ST18: variants seen among roughly 807,000 people sequenced by gnomAD.
ST18 encodes ST18 C2H2C-type zinc finger transcription factor, also known as suppression of tumorigenicity 18 protein.
A neutral mutation model predicts 110.0 loss-of-function variants in ST18; 50 were observed. The observed-to-expected ratio is 0.45, with a 90% CI of 0.36 to 0.58. The LOEUF (loss-of-function observed/expected upper bound fraction) is 0.58, where lower values mean the gene tolerates loss of function less well. ST18 is among the 20% of genes least tolerant of loss of function. ST18 has a pLI of 0.00. For synonymous variants in ST18, 461 were observed against 452.4 expected, an observed-to-expected ratio of 1.02 and a Z score of -0.24; for missense variants, 1,306 against 1,280.1, an observed-to-expected ratio of 1.02 and a Z score of -0.31.
chr8:52,204,840 G>A (rs1336234127), intron 8 of ST18, among the ~76,000 whole-genome samples: 1 of 152,152 alleles, frequency 6.6e-6, no homozygotes, highest in Non-Finnish European at 1.5e-5. Context: ...TAGACTCTCA[G>A]CTCCTGTAAT....
At chr8:52,367,856 T>C (rs996854222) in intron 2 of ST18, among the ~76,000 whole-genome samples, 17 of 152,164 alleles carry the variant, frequency 1.1e-4, no homozygotes, top group African/African-American at 3.9e-4. Context: ...AGAACTCACA[T>C]CTGGAAGGGG....
At chr8:52,361,997 T>C (rs1825939472) in intron 2 of ST18, among the ~76,000 whole-genome samples, 1 of 152,218 alleles carries the variant, frequency 6.6e-6, no homozygotes, top group Admixed American at 6.5e-5. Context: ...GGTTTATCTA[T>C]ATTCTTTACA....
intron 2 of ST18, among the ~76,000 whole-genome samples, chr8:52,324,131 G>C (rs184376758): frequency 6.6e-6 from 1 of 152,310 alleles, no homozygotes; most frequent in African/African-American, 2.4e-5. Flanking sequence ...AAGGATGGTG[G>C]TGGTTGGTGT....
intron 2 of ST18, among the ~76,000 whole-genome samples, chr8:52,401,198 A>G (rs1842723794): frequency 1.3e-5 from 2 of 152,030 alleles, no homozygotes; most frequent in African/African-American, 4.8e-5. Flanking sequence ...CTGACAGTCT[A>G]ATGGAGATTT....
intron 2 of ST18, among the ~76,000 whole-genome samples, chr8:52,262,193 A>C (rs976694463): frequency 6.6e-6 from 1 of 152,182 alleles, no homozygotes; most frequent in Non-Finnish European, 1.5e-5. Flanking sequence ...CTCTTGCAAT[A>C]ATGGAGTTAA....
intron 2 of ST18, among the ~76,000 whole-genome samples, chr8:52,394,858 G>A (rs1346667389): frequency 6.6e-6 from 1 of 152,140 alleles, no homozygotes; most frequent in Non-Finnish European, 1.5e-5. Flanking sequence ...TTCAAAACCA[G>A]TCTTCTGTGC....
chr8:52,210,217 C>A, intron 8 of ST18: 1 of 430,582 alleles, frequency 2.3e-6, no homozygotes, highest in Non-Finnish European at 4.6e-6. Context: ...CTACAGGGGA[C>A]ATAAATAAAG....
intron 19 of ST18, among the ~76,000 whole-genome samples, chr8:52,135,286 C>G (rs1438974955): frequency 6.6e-6 from 1 of 151,948 alleles, no homozygotes; most frequent in Non-Finnish European, 1.5e-5. Flanking sequence ...GAAAAGTGGC[C>G]AGGCACGGTG....
At chr8:52,299,881 T>A (rs991039735) in intron 2 of ST18, among the ~76,000 whole-genome samples, 1 of 152,184 alleles carries the variant, frequency 6.6e-6, no homozygotes, top group Non-Finnish European at 1.5e-5. Flanking sequence ...GTGTGTTACC[T>A]CTCCTGAGGT....
chr8:52,233,408 T>C (rs1364748482), intron 2 of ST18, among the ~76,000 whole-genome samples: 1 of 151,924 alleles, frequency 6.6e-6, no homozygotes, highest in East Asian at 1.9e-4. Flanking sequence ...TGACAAAAAC[T>C]CCACCCTAGG....
At chr8:52,224,430 A>C (rs1307917810) in intron 3 of ST18, among the ~76,000 whole-genome samples, 1 of 152,222 alleles carries the variant, frequency 6.6e-6, no homozygotes, top group African/African-American at 2.4e-5. Flanking sequence ...CCAGGTTAAT[A>C]TTAGGGCATA....
chr8:52,330,686 C>T (rs951797770), intron 2 of ST18, among the ~76,000 whole-genome samples: 4 of 152,252 alleles, frequency 2.6e-5, no homozygotes, highest in African/African-American at 9.6e-5. Context: ...CGGCTCTGGG[C>T]ATGCCCTGTG....
At chr8:52,277,409 C>T (rs1437914725) in intron 2 of ST18, among the ~76,000 whole-genome samples, 1 of 152,214 alleles carries the variant, frequency 6.6e-6, no homozygotes, top group Admixed American at 6.5e-5. Flanking sequence ...CATGATGATA[C>T]CCCCCAATAG....
At chr8:52,114,410 G>A (rs72641847) in intron 25 of ST18, among the ~76,000 whole-genome samples, 59 of 152,238 alleles carry the variant, frequency 3.9e-4, no homozygotes, top group Non-Finnish European at 7.4e-4. Context: ...AGTCATTTCT[G>A]TTGCCACCAT....
At chr8:52,135,974 A>T (rs1478914090) in intron 19 of ST18, among the ~76,000 whole-genome samples, 1 of 152,198 alleles carries the variant, frequency 6.6e-6, no homozygotes, top group African/African-American at 2.4e-5. Flanking sequence ...ATGCCCTATC[A>T]TATTTTTAAG....
intron 2 of ST18, among the ~76,000 whole-genome samples, chr8:52,394,645 G>A (rs367831621): frequency 3.2e-4 from 49 of 152,310 alleles, no homozygotes; most frequent in African/African-American, 1.1e-3. Context: ...TGTGGGAAGG[G>A]AAGTTATAAA....
At chr8:52,249,442 G>A (rs938732903) in intron 2 of ST18, 1 of 152,290 alleles carries the variant, frequency 6.6e-6, no homozygotes, top group Non-Finnish European at 1.5e-5. Flanking sequence ...GGCTAGGTTA[G>A]TCCAGTGTTT....
intron 2 of ST18, among the ~76,000 whole-genome samples, chr8:52,329,861 CAAAA>C: frequency 6.6e-6 from 1 of 152,174 alleles, no homozygotes; most frequent in African/African-American, 2.4e-5. Flanking sequence ...AAAAAGGTTG[CAAAA>C]TATCACTACC....
chr8:52,389,821 A>T (rs992894717), intron 2 of ST18, among the ~76,000 whole-genome samples: 1 of 152,212 alleles, frequency 6.6e-6, no homozygotes, highest in African/African-American at 2.4e-5. Context: ...AGAGAAAGCG[A>T]TGCCAGGAAC....
Sources: gnomAD v4.1 joint callset for allele counts (sites outside exome capture counted in the v4.1 genomes callset) on GRCh38, gnomAD v4.1.1 for gene constraint, MANE v1.5 for transcripts, NCBI Gene and HGNC (gene_info 2026-07-23, HGNC 2026-07-21) for gene names.